Variants in CFAP61 observed in about 807,000 individuals in gnomAD.
CFAP61 encodes the protein cilia and flagella associated protein 61, also known as cilia- and flagella-associated protein 61.
CFAP61 carries 107 observed loss-of-function variants against 135.6 expected under a neutral mutation model. The observed-to-expected ratio is 0.79, with a 90% CI of 0.67 to 0.93. The LOEUF (loss-of-function observed/expected upper bound fraction) is 0.93, where lower values mean the gene tolerates loss of function less well. CFAP61 is among the 40% of genes least tolerant of loss of function. The probability of loss-of-function intolerance (pLI) is 0.00; values close to 1 mark genes in which losing one functional copy is unlikely to be tolerated. For missense variants in CFAP61, 1,507 were observed against 1,556.2 expected (o/e 0.97, Z 0.53); for synonymous variants, 575 against 578.5 (o/e 0.99, Z 0.09).
At chr20:20,145,420 T>C (rs996162191) in intron 9 of CFAP61, among the ~76,000 whole-genome samples, 1 of 151,986 alleles carries the variant, frequency 6.6e-6, no homozygotes, top group African/African-American at 2.4e-5. Flanking sequence ...TTAAATATCA[T>C]CATAAAAATA....
chr20:20,322,669 A>T, intron 25 of CFAP61: 1 of 985,406 alleles, frequency 1.0e-6, no homozygotes. Flanking sequence ...CTTCCAGCAG[A>T]AACAGTTACC....
At chr20:20,161,349 A>G (rs907297679) in intron 10 of CFAP61, among the ~76,000 whole-genome samples, 2 of 152,130 alleles carry the variant, frequency 1.3e-5, no homozygotes, top group African/African-American at 4.8e-5. Context: ...TCCTATTTTT[A>G]TCTCCTCTCC....
intron 9 of CFAP61, among the ~76,000 whole-genome samples, chr20:20,144,435 C>T (rs1465851919): frequency 1.3e-5 from 2 of 151,902 alleles, no homozygotes; most frequent in East Asian, 3.9e-4. Context: ...ATGAAAAATA[C>T]ACCAGAAGGA....
At chr20:20,087,180 T>G (rs1323685059) in intron 6 of CFAP61, among the ~76,000 whole-genome samples, 2 of 152,154 alleles carry the variant, frequency 1.3e-5, no homozygotes, top group Non-Finnish European at 2.9e-5. Context: ...ATGTGCAGGT[T>G]TGTTACCCGG....
At chr20:20,156,173 T>A (rs923131485) in intron 9 of CFAP61, among the ~76,000 whole-genome samples, 1 of 152,084 alleles carries the variant, frequency 6.6e-6, no homozygotes, top group African/African-American at 2.4e-5. Flanking sequence ...TAAAAAAATT[T>A]AAAAATTAGC....
chr20:20,159,779 AAG>A lies in CFAP61; in HGVS notation c.1026+338_1026+339del, dbSNP rs547951447. 3.5e-4 allele frequency among the ~76,000 whole-genome samples: 54 copies of A among 152,352 alleles called. No homozygotes were observed. In the South Asian group the frequency reaches 0.011, roughly 32 times the overall value. ...CATTTTGGAGAGGCAAAACATTTGT[AAG>A]AGTTTTCTCTGTATCATATGCACAT... On this transcript the variant is annotated intron_variant, in intron 10 of 26. Transcript: ENST00000245957.
chr20:20,196,471 C>G (rs1269020878), intron 15 of CFAP61, 99 bp from the exon 16 acceptor site: 3 of 860,478 alleles, frequency 3.5e-6, no homozygotes, highest in African/African-American at 3.4e-5. Context: ...ACGTTTCTTA[C>G]TATCATACCT....
At chr20:20,072,727 C>T (rs1304017817) in intron 3 of CFAP61, among the ~76,000 whole-genome samples, 3 of 152,032 alleles carry the variant, frequency 2.0e-5, no homozygotes, top group African/African-American at 7.2e-5. Flanking sequence ...CTAACGAGCG[C>T]TTGAAATGTA....
In CFAP61 at chr20:20,200,595, T is replaced by C. The variant is rs112130538; in HGVS notation, c.1932+693T>C. On this transcript the variant is annotated intron_variant, in intron 17 of 26. Coordinates refer to ENST00000245957, the MANE Select transcript of CFAP61 (RefSeq NM_015585.4). The stretch of plus-strand genomic sequence containing the variant: ...CATAATTTTCTCATGTTGACTGATA[T>C]GGGCTTGTAGTGTTTGTATACTCTT... The C allele has an allele frequency of 1.9e-4, 99 of 526,858 alleles. No homozygotes were observed. In the South Asian group the frequency reaches 2.6e-3, roughly 14 times the overall value. 32.6% of individuals were successfully genotyped at this position (526,858 alleles called of 1,614,324 possible).
rs1487894158 is a variant in CFAP61 at position 20,199,841 on chromosome 20, T to TTGTC, written c.1873_1876dup (p.Tyr626CysfsTer37). On this transcript the variant is annotated frameshift_variant, in exon 17 of 27. Coordinates refer to ENST00000245957, the MANE Select transcript of CFAP61 (RefSeq NM_015585.4). LOFTEE classifies it high-confidence loss of function. ...GTTCCCGTGCGACCACGACGACAGATTGTCTATCCTCTGGAAAAGCTTGGC... is the reference window on the plus strand; with the variant it reads ...GTTCCCGTGCGACCACGACGACAGATTGTCTGTCTATCCTCTGGAAAAGCTTGGC... The TTGTC allele has an allele frequency of 6.2e-7, 1 of 1,614,196 alleles. No homozygotes were observed.
chr20:20,296,330 T>TCCTTCCTTCCTTCCTTCCCTCCTTCCTTC (rs1438602255), intron 24 of CFAP61, among the ~76,000 whole-genome samples: 2 of 39,524 alleles, frequency 5.1e-5, no homozygotes, highest in African/African-American at 9.1e-5. Flanking sequence ...TTCCTTCCCT[T>TCCTTCCTTCCTTCCTTCCCTCCTTCCTTC]CCTTCCTTCC....
intron 8 of CFAP61, among the ~76,000 whole-genome samples, chr20:20,102,282 A>G (rs1286951421): frequency 2.0e-5 from 3 of 152,200 alleles, no homozygotes; most frequent in Non-Finnish European, 4.4e-5. Flanking sequence ...CCAAGACACT[A>G]CTAGTTAGGT....
intron 13 of CFAP61, among the ~76,000 whole-genome samples, chr20:20,184,205 C>A (rs975978444): frequency 6.6e-6 from 1 of 152,228 alleles, no homozygotes; most frequent in Middle Eastern, 3.4e-3. Flanking sequence ...CAACAACACT[C>A]TTTATAACTC....
At chr20:20,275,787 T>C (rs564020677) in intron 21 of CFAP61, among the ~76,000 whole-genome samples, 1 of 152,362 alleles carries the variant, frequency 6.6e-6, no homozygotes, top group East Asian at 1.9e-4. Context: ...TGCCTTTCCT[T>C]GCAGGCTGAT....
intron 10 of CFAP61, among the ~76,000 whole-genome samples, chr20:20,160,012 C>G (rs1205325467): frequency 6.6e-6 from 1 of 152,212 alleles, no homozygotes; most frequent in East Asian, 1.9e-4. Flanking sequence ...GGTCCGTTGA[C>G]CACTCCATTG....
At chr20:20,173,158 T>G (rs552256545) in intron 13 of CFAP61, among the ~76,000 whole-genome samples, 22 of 152,324 alleles carry the variant, frequency 1.4e-4, no homozygotes, top group African/African-American at 4.8e-4. Context: ...TGTACCACAG[T>G]GTGTCTACCC....
chr20:20,104,104 A>G (rs2048214108), intron 8 of CFAP61, among the ~76,000 whole-genome samples: 1 of 152,186 alleles, frequency 6.6e-6, no homozygotes, highest in Non-Finnish European at 1.5e-5. Context: ...TACATAATAG[A>G]GTTATGGGCA....
At chr20:20,088,641 GA>G (rs5840868) in intron 6 of CFAP61, among the ~76,000 whole-genome samples, 7,100 of 152,074 alleles carry the variant, frequency 0.047, 546 homozygotes, top group African/African-American at 0.16. Flanking sequence ...TTTGGGTGGG[GA>G]CACAGCCAAA....
chr20:20,341,831 C>G lies in CFAP61; in HGVS notation c.3423C>G (p.Ser1141Arg), dbSNP rs1456926565. The stretch of plus-strand genomic sequence containing the variant: ...ACTGAGTCTCTTCTTTCCTTACCAG[C>G]TACTTCACCGAGCCGTGGTGCCTGG... The part of the protein sequence containing the change: ...YDENLITDLY[S>R]YFTEPWCLAL... Residue 1141 changes from serine to arginine, a missense_variant and splice_region_variant, in exon 26 of 27, where the codon AGC becomes AGG. Physicochemically the swap from Ser to Arg is moderately radical, Grantham distance 110 (BLOSUM62 -1). Transcript: ENST00000245957. 2 of 1,612,194 alleles carry G rather than the reference C, an allele frequency of 1.2e-6. No individual in the cohort carries two copies.
Sources: gnomAD v4.1 joint callset for allele counts (sites outside exome capture counted in the v4.1 genomes callset) on GRCh38, gnomAD v4.1.1 for gene constraint, MANE v1.5 for transcripts, NCBI Gene and HGNC (gene_info 2026-07-23, HGNC 2026-07-21) for gene names.